PMF1: variants seen among roughly 807,000 people sequenced by gnomAD.
The protein encoded by PMF1 is polyamine modulated factor 1.
In PMF1, 21 loss-of-function variants were observed where a neutral mutation model predicts 26.7. The observed-to-expected ratio is 0.79, with a 90% CI of 0.56 to 1.13. The LOEUF (loss-of-function observed/expected upper bound fraction) is 1.13, where lower values mean the gene tolerates loss of function less well. Among genes scored for constraint, PMF1 ranks in the 50% most tolerant of loss-of-function variants. The pLI, the probability that PMF1 is intolerant of heterozygous loss-of-function variation, is 0.00. For synonymous variants in PMF1, 105 were observed against 101.0 expected, an observed-to-expected ratio of 1.04 and a Z score of -0.24; for missense variants, 266 against 254.9, an observed-to-expected ratio of 1.04 and a Z score of -0.30.
chr1:156,225,591 C>G (rs1658326220), intron 1 of PMF1: 3 of 1,559,394 alleles, frequency 1.9e-6, no homozygotes. Flanking sequence ...AAGTGCTGGT[C>G]CCCGCCTGCC....
At chr1:156,215,040 G>A (rs2853643) in intron 1 of PMF1, among the ~76,000 whole-genome samples, 45,749 of 151,560 alleles carry the variant, frequency 0.3, 7,117 homozygotes, top group Non-Finnish European at 0.34. Flanking sequence ...ACCACGGCCA[G>A]CTAATTTTTG....
At chr1:156,213,436 A>C (rs908287239) in intron 1 of PMF1, among the ~76,000 whole-genome samples, 1 of 152,202 alleles carries the variant, frequency 6.6e-6, no homozygotes, top group African/African-American at 2.4e-5. Flanking sequence ...GGTTGGGAGG[A>C]AAGATAGAGC....
At chr1:156,236,703 A>G (rs960429661) in intron 4 of PMF1, 1 of 640,756 alleles carries the variant, frequency 1.6e-6, no homozygotes, top group South Asian at 2.2e-5. Context: ...AGGCACAGGC[A>G]TGTGTTCCCC....
At chr1:156,237,028 T>C (rs1659060341) in intron 4 of PMF1, 1 of 153,926 alleles carries the variant, frequency 6.5e-6, no homozygotes, top group Non-Finnish European at 1.4e-5. Flanking sequence ...GTTCATCACT[T>C]TGAGTATTTA....
At chr1:156,213,383 A>C (rs747145290) in intron 1 of PMF1, among the ~76,000 whole-genome samples, 1 of 151,990 alleles carries the variant, frequency 6.6e-6, no homozygotes, top group African/African-American at 2.4e-5. Context: ...ATAGCTAGCT[A>C]CTCCTTCCTA....
intron 4 of PMF1, among the ~76,000 whole-genome samples, chr1:156,237,608 A>T (rs1167380001): frequency 3.3e-5 from 5 of 151,650 alleles, no homozygotes; most frequent in African/African-American, 1.2e-4. Flanking sequence ...TGCCACACCC[A>T]GCTAAATTTT....
intron 4 of PMF1, chr1:156,237,288 A>G (rs573075634): frequency 2.3e-5 from 2 of 85,212 alleles, no homozygotes; most frequent in African/African-American, 3.9e-5. Context: ...CTACTGTTGA[A>G]CAGAATTTAC....
intron 1 of PMF1, among the ~76,000 whole-genome samples, chr1:156,218,974 G>T (rs1013575151): frequency 3.3e-5 from 5 of 151,176 alleles, no homozygotes; most frequent in Non-Finnish European, 5.9e-5. Flanking sequence ...AGGCTGGAGT[G>T]CAGTGGCGTG....
At chr1:156,235,750 A>C (rs760500516) in intron 3 of PMF1, among the ~76,000 whole-genome samples, 19 of 152,196 alleles carry the variant, frequency 1.2e-4, no homozygotes, top group Non-Finnish European at 2.2e-4. Flanking sequence ...CTGAAAAAGA[A>C]TTTTTAAAGA....
intron 1 of PMF1, among the ~76,000 whole-genome samples, chr1:156,217,316 A>G (rs1456549305): frequency 6.6e-6 from 1 of 151,934 alleles, no homozygotes; most frequent in Non-Finnish European, 1.5e-5. Context: ...AGGAAGTGGC[A>G]TTTGACTGTA....
chr1:156,237,596 G>A (rs570952047), intron 4 of PMF1, among the ~76,000 whole-genome samples: 1 of 151,644 alleles, frequency 6.6e-6, no homozygotes, highest in African/African-American at 2.4e-5. Context: ...CCAGGCATGA[G>A]CTGCCACACC....
intron 1 of PMF1, among the ~76,000 whole-genome samples, chr1:156,213,472 T>A (rs1302482573): frequency 2.3e-4 from 35 of 152,352 alleles, no homozygotes; most frequent in East Asian, 1.9e-4. Context: ...CAGGGTTTTT[T>A]ATTTTTTTAT....
At chr1:156,216,553 C>T (rs1461727205) in intron 1 of PMF1, among the ~76,000 whole-genome samples, 1 of 152,044 alleles carries the variant, frequency 6.6e-6, no homozygotes, top group Non-Finnish European at 1.5e-5. Flanking sequence ...GCTTGAGCCG[C>T]CTGCTGGGGC....
At chr1:156,214,234 A>G (rs1336430222) in intron 1 of PMF1, among the ~76,000 whole-genome samples, 1 of 152,140 alleles carries the variant, frequency 6.6e-6, no homozygotes, top group Non-Finnish European at 1.5e-5. Flanking sequence ...TATAATTTAT[A>G]TGACTCGAGA....
chr1:156,236,638 C>T (rs139566607), intron 4 of PMF1, 155 bp downstream of exon 4: 354 of 991,796 alleles, frequency 3.6e-4, no homozygotes, highest in African/African-American at 1.3e-3. Flanking sequence ...TCTCCTTGGG[C>T]GTGTGCAGTA....
In PMF1 at chr1:156,230,110, C is replaced by T. The variant is rs143053925; in HGVS notation, c.162-2210C>T. The stretch of plus-strand genomic sequence containing the variant: ...TGAGAAAGGGAGGACCCAGCAGTGA[C>T]TCCCTGGCTAGGGGTGGGGCTTTGT... On this transcript the variant is annotated intron_variant, in intron 1 of 4. Coordinates refer to ENST00000368277, the MANE Select transcript of PMF1 (RefSeq NM_007221.4). Among the ~76,000 whole-genome samples, 36 of 152,340 alleles carry T rather than the reference C, an allele frequency of 2.4e-4. 1 individual carries two copies. The South Asian group carries it at 6.8e-3, about 29-fold the overall frequency.
intron 1 of PMF1, among the ~76,000 whole-genome samples, chr1:156,230,601 G>A (rs1658641027): frequency 6.6e-6 from 1 of 152,146 alleles, no homozygotes; most frequent in Non-Finnish European, 1.5e-5. Flanking sequence ...GGAGAGGGAG[G>A]AAACAAAGGG....
intron 1 of PMF1, among the ~76,000 whole-genome samples, chr1:156,227,900 G>C (rs543159682): frequency 2.2e-4 from 33 of 151,922 alleles, no homozygotes; most frequent in African/African-American, 7.7e-4. Context: ...CAAAATGCTG[G>C]GATTACAGGC....
Position 156,240,006 on chromosome 1 carries a change from C to T in PMF1, c.*405C>T, listed in dbSNP as rs914684821. 6 of 183,590 alleles carry T rather than the reference C, an allele frequency of 3.3e-5. No homozygotes were observed. Among genetic ancestry groups the T allele is most frequent in the Non-Finnish European group, 6.8e-5 (6 of 88,354 alleles). The allele number at this position is 183,590 out of a possible 1,614,324, so 11.4% of individuals were successfully genotyped here. ...CCCAGGGGCCTTTACCATGTTCTCT[C>T]CACATCCGTAAATAAACTTCCTTCA... On this transcript the variant is annotated 3_prime_UTR_variant, in exon 5 of 5. Transcript: ENST00000368277.
Sources: allele counts gnomAD v4.1 joint callset (sites outside exome capture counted in the v4.1 genomes callset), GRCh38; gene constraint gnomAD v4.1.1; transcripts MANE v1.5; gene names NCBI Gene and HGNC (gene_info 2026-07-23, HGNC 2026-07-21).